The following DACH1 variants were observed in gnomAD, a reference collection of about 807,000 sequenced individuals.
DACH1 encodes dachshund homolog 1.
DACH1 carries 12 observed loss-of-function variants against 54.2 expected under a neutral mutation model. The ratio of observed to expected loss-of-function variants is 0.22; its 90% CI spans 0.14 to 0.36. The LOEUF (loss-of-function observed/expected upper bound fraction) is 0.36. Ranked by LOEUF, DACH1 falls within the 10% of genes least tolerant of loss-of-function variation. The probability of loss-of-function intolerance (pLI) is 1.00; values close to 1 mark genes in which losing one functional copy is unlikely to be tolerated. For synonymous variants in DACH1, 386 were observed against 366.2 expected (o/e 1.05, Z -0.62); for missense variants, 805 against 929.8 (o/e 0.87, Z 1.75).
intron 2 of DACH1, among the ~76,000 whole-genome samples, chr13:71,648,225 T>C (rs1878430583): frequency 2.0e-5 from 3 of 152,220 alleles, no homozygotes. Flanking sequence ...CTTTGAGCTA[T>C]ATCAAATAGA....
intron 3 of DACH1, among the ~76,000 whole-genome samples, chr13:71,615,171 G>T (rs1260413565): frequency 6.6e-6 from 1 of 152,014 alleles, no homozygotes; most frequent in East Asian, 1.9e-4. Flanking sequence ...TACATGTAAA[G>T]AAGTCATTAT....
At chr13:71,662,816 G>A (rs1049061858) in intron 2 of DACH1, among the ~76,000 whole-genome samples, 1 of 151,852 alleles carries the variant, frequency 6.6e-6, no homozygotes, top group Non-Finnish European at 1.5e-5. Flanking sequence ...CCACTATAAT[G>A]AGAATAATTA....
intron 3 of DACH1, among the ~76,000 whole-genome samples, chr13:71,586,272 C>T (rs922452623): frequency 6.6e-6 from 1 of 152,060 alleles, no homozygotes; most frequent in Admixed American, 6.6e-5. Context: ...TAGACCCTCC[C>T]TGAGTGACAC....
intron 1 of DACH1, chr13:71,704,508 T>C: frequency 8.1e-6 from 3 of 371,678 alleles, no homozygotes; most frequent in Non-Finnish European, 1.6e-5. Flanking sequence ...TGAAGGAAAG[T>C]GATCAGTAAC....
intron 1 of DACH1, among the ~76,000 whole-genome samples, chr13:71,803,305 C>T (rs1887361500): frequency 1.3e-5 from 2 of 152,086 alleles, no homozygotes; most frequent in Non-Finnish European, 2.9e-5. Flanking sequence ...TTAACAAACA[C>T]CCTCTCTAAC....
chr13:71,588,722 T>C lies in DACH1; in HGVS notation c.1127-15710A>G, dbSNP rs138195655. On this transcript the variant is annotated intron_variant, in intron 3 of 10. Transcript: ENST00000613252. ...TGAAATTACTGACCAATTCTTACAA[T>C]AGAAACACTAAGCCATTAAATGAGA... 3.3e-3 allele frequency among the ~76,000 whole-genome samples: 496 copies of C among 151,780 alleles called. 4 individuals carry two copies. Among genetic ancestry groups the C allele is most frequent in the African/African-American group, 0.011 (459 of 41,486 alleles).
At chr13:71,585,975 C>T (rs1395634114) in intron 3 of DACH1, among the ~76,000 whole-genome samples, 2 of 152,128 alleles carry the variant, frequency 1.3e-5, no homozygotes, top group Admixed American at 6.5e-5. Context: ...AATTGGCTTT[C>T]AGAGCCAGCC....
intron 6 of DACH1, among the ~76,000 whole-genome samples, chr13:71,546,394 T>C (rs1320956545): frequency 2.0e-5 from 3 of 152,006 alleles, no homozygotes; most frequent in African/African-American, 7.2e-5. Flanking sequence ...TTTCTAATAA[T>C]GTATTTAATA....
At chr13:71,865,630 C>A (rs1044841484) in intron 1 of DACH1, among the ~76,000 whole-genome samples, 1 of 152,146 alleles carries the variant, frequency 6.6e-6, no homozygotes. Context: ...CCCTCTCGTC[C>A]CCTCCGCCCC....
intron 2 of DACH1, among the ~76,000 whole-genome samples, chr13:71,663,677 C>A (rs894138572): frequency 7.2e-5 from 11 of 151,874 alleles, no homozygotes; most frequent in African/African-American, 2.7e-4. Flanking sequence ...AAGAAAGAGC[C>A]CAGTTTTATA....
chr13:71,686,081 A>T (rs920600629), intron 1 of DACH1, among the ~76,000 whole-genome samples: 18 of 152,312 alleles, frequency 1.2e-4, no homozygotes, highest in African/African-American at 4.1e-4. Context: ...ATCCCAGAGG[A>T]TTAGAGCAAG....
chr13:71,599,954 C>A (rs1593963510), intron 3 of DACH1, among the ~76,000 whole-genome samples: 1 of 151,948 alleles, frequency 6.6e-6, no homozygotes, highest in East Asian at 1.9e-4. Context: ...GAATAAATGT[C>A]TTTACCATAA....
At chr13:71,836,167 C>G (rs1044074924) in intron 1 of DACH1, among the ~76,000 whole-genome samples, 1 of 151,708 alleles carries the variant, frequency 6.6e-6, no homozygotes, top group Non-Finnish European at 1.5e-5. Context: ...CTTTCACCAT[C>G]TTGAGAAAAA....
At chr13:71,551,291 T>G (rs975093977) in intron 6 of DACH1, among the ~76,000 whole-genome samples, 1 of 152,146 alleles carries the variant, frequency 6.6e-6, no homozygotes, top group African/African-American at 2.4e-5. Flanking sequence ...CCCTAAATAT[T>G]TGTCTTTTCT....
intron 1 of DACH1, among the ~76,000 whole-genome samples, chr13:71,706,887 A>G (rs180770372): frequency 1.5e-3 from 236 of 152,320 alleles, no homozygotes; most frequent in Non-Finnish European, 3.0e-3. Flanking sequence ...GTAAGAGTTT[A>G]CTGTCGCTAT....
intron 2 of DACH1, among the ~76,000 whole-genome samples, chr13:71,669,959 A>C (rs924261311): frequency 6.6e-6 from 1 of 152,022 alleles, no homozygotes; most frequent in African/African-American, 2.4e-5. Flanking sequence ...TGTTTGAAAA[A>C]TCAATAAATG....
intron 1 of DACH1, among the ~76,000 whole-genome samples, chr13:71,820,092 T>C (rs1278923914): frequency 2.5e-4 from 26 of 103,626 alleles, no homozygotes; most frequent in African/African-American, 9.1e-4. Flanking sequence ...CATAGGGAGA[T>C]CCTGCCTCTA....
chr13:71,655,080 T>A (rs1370287361), intron 2 of DACH1, among the ~76,000 whole-genome samples: 1 of 152,222 alleles, frequency 6.6e-6, no homozygotes, highest in African/African-American at 2.4e-5. Flanking sequence ...AGATTGCTCA[T>A]TTGAAATCAT....
At chr13:71,560,002 A>G in intron 4 of DACH1, 47 bp from the exon 5 acceptor site, 2 of 1,442,518 alleles carry the variant, frequency 1.4e-6, no homozygotes, top group Non-Finnish European at 1.8e-6. Flanking sequence ...TGTTAAATAC[A>G]ACGGATCTTT....
Sources: allele counts gnomAD v4.1 joint callset (sites outside exome capture counted in the v4.1 genomes callset), GRCh38; gene constraint gnomAD v4.1.1; transcripts MANE v1.5; gene names NCBI Gene and HGNC (gene_info 2026-07-23, HGNC 2026-07-21).